The following SERGEF variants were observed in gnomAD, a reference collection of about 807,000 sequenced individuals.
SERGEF encodes the protein secretion regulating guanine nucleotide exchange factor.
In SERGEF, 51 loss-of-function variants were observed where a neutral mutation model predicts 50.0. The observed-to-expected ratio is 1.02, with a 90% CI of 0.81 to 1.29. The LOEUF (loss-of-function observed/expected upper bound fraction) is 1.29, where lower values mean the gene tolerates loss of function less well. SERGEF is among the 50% of genes most tolerant of loss of function. The probability of loss-of-function intolerance (pLI) is 0.00; values close to 1 mark genes in which losing one functional copy is unlikely to be tolerated. For missense variants in SERGEF, 521 were observed against 557.0 expected (o/e 0.94, Z 0.65); for synonymous variants, 205 against 212.4 (o/e 0.97, Z 0.30).
At chr11:17,809,972 G>C (rs1446708421) in intron 10 of SERGEF, among the ~76,000 whole-genome samples, 1 of 152,138 alleles carries the variant, frequency 6.6e-6, no homozygotes, top group African/African-American at 2.4e-5. Context: ...CCCACACTGT[G>C]CCCTGCTCCT....
At chr11:17,933,022 A>G (rs1045030759) in intron 9 of SERGEF, among the ~76,000 whole-genome samples, 3 of 152,182 alleles carry the variant, frequency 2.0e-5, no homozygotes, top group African/African-American at 4.8e-5. Context: ...GTTTTCCTGG[A>G]ATGAAACTCA....
intron 10 of SERGEF, among the ~76,000 whole-genome samples, chr11:17,872,938 G>A (rs1475214804): frequency 6.6e-6 from 1 of 152,040 alleles, no homozygotes; most frequent in Admixed American, 6.5e-5. Context: ...ACATATCTTA[G>A]TATTCACTTA....
intron 10 of SERGEF, among the ~76,000 whole-genome samples, chr11:17,789,588 T>C (rs1849445762): frequency 6.6e-6 from 1 of 152,066 alleles, no homozygotes; most frequent in Admixed American, 6.5e-5. Flanking sequence ...AAAAATCTTC[T>C]GGACATAAAA....
At chr11:17,894,296 G>A (rs553789694) in intron 9 of SERGEF, among the ~76,000 whole-genome samples, 20 of 152,144 alleles carry the variant, frequency 1.3e-4, no homozygotes, top group Non-Finnish European at 2.5e-4. Context: ...AGGAGAAGAA[G>A]AAAAGGAAAA....
At chr11:17,830,672 G>GAGAGAGAC (rs1554999479) in intron 10 of SERGEF, among the ~76,000 whole-genome samples, 1,747 of 144,974 alleles carry the variant, frequency 0.012, 57 homozygotes, top group African/African-American at 0.044. Flanking sequence ...GAGAGAGAGA[G>GAGAGAGAC]AGAGAGAGAG....
chr11:17,906,826 GA>G (rs56102467), intron 9 of SERGEF, among the ~76,000 whole-genome samples: 134 of 132,940 alleles, frequency 1.0e-3, no homozygotes, highest in East Asian at 7.5e-3. Context: ...TATCAAATAA[GA>G]AAAAAAAAAA....
At chr11:17,808,824 A>T (rs1051172228) in intron 10 of SERGEF, among the ~76,000 whole-genome samples, 1 of 152,234 alleles carries the variant, frequency 6.6e-6, no homozygotes, top group Admixed American at 6.5e-5. Flanking sequence ...AAGAGGAGCC[A>T]ATTGGCTTGT....
chr11:17,841,497 T>C (rs1479250966), intron 10 of SERGEF, among the ~76,000 whole-genome samples: 1 of 152,224 alleles, frequency 6.6e-6, no homozygotes, highest in Non-Finnish European at 1.5e-5. Flanking sequence ...TCTCCACTGT[T>C]ACTTCTCTCA....
chr11:17,898,721 C>A (rs1239053893), intron 9 of SERGEF, among the ~76,000 whole-genome samples: 1 of 152,166 alleles, frequency 6.6e-6, no homozygotes, highest in Non-Finnish European at 1.5e-5. Flanking sequence ...GAGTTTAATT[C>A]TCTCTAAATG....
chr11:17,983,677 A>G (rs559571451), intron 8 of SERGEF, among the ~76,000 whole-genome samples: 2 of 152,128 alleles, frequency 1.3e-5, no homozygotes, highest in South Asian at 2.1e-4. Context: ...TCTAGTGGGA[A>G]AGGAAATTAG....
At chr11:17,824,415 A>T (rs1850148594) in intron 10 of SERGEF, among the ~76,000 whole-genome samples, 1 of 152,212 alleles carries the variant, frequency 6.6e-6, no homozygotes, top group Non-Finnish European at 1.5e-5. Context: ...TGTTAAGGAT[A>T]GTGAAACAGA....
intron 10 of SERGEF, among the ~76,000 whole-genome samples, chr11:17,797,683 C>T (rs1203891626): frequency 6.6e-6 from 1 of 152,120 alleles, no homozygotes; most frequent in Non-Finnish European, 1.5e-5. Flanking sequence ...GTACCTGAAA[C>T]AGTGCTTGGC....
intron 9 of SERGEF, among the ~76,000 whole-genome samples, chr11:17,910,193 A>ACTCTCTCTCTCTCTCT (rs1219567785): frequency 6.9e-6 from 1 of 145,638 alleles, no homozygotes; most frequent in East Asian, 2.0e-4. Flanking sequence ...ACACACACAC[A>ACTCTCTCTCTCTCTCT]CTCTCTCTCT....
At chr11:17,983,615 T>C (rs1010723555) in intron 8 of SERGEF, among the ~76,000 whole-genome samples, 6 of 152,140 alleles carry the variant, frequency 3.9e-5, no homozygotes, top group African/African-American at 1.4e-4. Context: ...TTGTCCAACA[T>C]GTCTTAAGTA....
At chr11:17,830,871 A>G (rs1850296025) in intron 10 of SERGEF, among the ~76,000 whole-genome samples, 2 of 152,150 alleles carry the variant, frequency 1.3e-5, no homozygotes, top group Non-Finnish European at 2.9e-5. Flanking sequence ...TAGTAAGCAT[A>G]CATTTTCTAA....
At chr11:18,005,519 A>AAAAAGCTAGGAATCTGAGCTACT (rs1400563117) in intron 3 of SERGEF, among the ~76,000 whole-genome samples, 1 of 152,226 alleles carries the variant, frequency 6.6e-6, no homozygotes, top group African/African-American at 2.4e-5. Flanking sequence ...GGCCAACGCT[A>AAAAAGCTAGGAATCTGAGCTACT]AAAAGCTAGG....
At chr11:18,000,309 C>T (rs559740314) in intron 5 of SERGEF, among the ~76,000 whole-genome samples, 188 bp downstream of exon 5, 1 of 152,106 alleles carries the variant, frequency 6.6e-6, no homozygotes, top group African/African-American at 2.4e-5. Context: ...ATTAGCAGGG[C>T]ATGGTGGCAT....
intron 8 of SERGEF, among the ~76,000 whole-genome samples, chr11:17,965,396 G>A (rs776452923): frequency 2.7e-4 from 41 of 152,092 alleles, no homozygotes; most frequent in Non-Finnish European, 4.6e-4. Context: ...TCACAGCAGC[G>A]TGAGAACAGA....
chr11:17,939,461 C>A (rs1317757636), intron 9 of SERGEF: 1 of 152,198 alleles, frequency 6.6e-6, no homozygotes, highest in African/African-American at 2.4e-5. Context: ...AAAAATCTAA[C>A]TCCCCTGAGC....
Sources: allele counts gnomAD v4.1 joint callset (sites outside exome capture counted in the v4.1 genomes callset), GRCh38; gene constraint gnomAD v4.1.1; transcripts MANE v1.5; gene names NCBI Gene and HGNC (gene_info 2026-07-23, HGNC 2026-07-21).